The following PDZRN4 variants were observed in gnomAD, a reference collection of about 807,000 sequenced individuals.
PDZRN4 encodes the protein PDZ domain-containing RING finger protein 4.
In PDZRN4, 70 loss-of-function variants were observed where a neutral mutation model predicts 99.0. That is an observed-to-expected ratio of 0.71 (90% confidence interval 0.58 to 0.86). The LOEUF (loss-of-function observed/expected upper bound fraction) is 0.86. Ranked by LOEUF, PDZRN4 falls within the 40% of genes least tolerant of loss-of-function variation. The pLI is 0.00. For missense variants in PDZRN4, 1,474 were observed against 1,331.2 expected, an observed-to-expected ratio of 1.11 and a Z score of -1.67; for synonymous variants, 551 against 501.6, an observed-to-expected ratio of 1.10 and a Z score of -1.32.
chr12:41,402,248 C>T (rs56077805), intron 3 of PDZRN4, among the ~76,000 whole-genome samples: 11 of 344 alleles, frequency 0.032, 2 homozygotes, highest in African/African-American at 0.095. Context: ...TATATATATA[C>T]ACACACTGAG....
intron 3 of PDZRN4, among the ~76,000 whole-genome samples, chr12:41,501,643 G>A (rs1289130267): frequency 3.3e-5 from 5 of 152,160 alleles, no homozygotes; most frequent in Admixed American, 3.3e-4. Context: ...TCACTGAAAA[G>A]TGATTGCTTT....
chr12:41,469,708 G>T (rs1014077668), intron 3 of PDZRN4, among the ~76,000 whole-genome samples: 2 of 152,074 alleles, frequency 1.3e-5, no homozygotes, highest in East Asian at 1.9e-4. Context: ...GAGGGGGGCC[G>T]ATCACGAGGT....
rs542594514 is a variant in PDZRN4 at position 41,534,244 on chromosome 12, C to G, written c.1204-18412C>G. 6.6e-5 allele frequency among the ~76,000 whole-genome samples: 10 copies of G among 152,132 alleles called. 1 individual carries two copies. The South Asian group carries it at 2.1e-3, about 32-fold the overall frequency. ...CGTTCCTTTTTAAACCACAGACCTT[C>G]CATCTGAATTTATCTTCTGAATTTG... On this transcript the variant is annotated intron_variant, in intron 5 of 9. Transcript: ENST00000402685.
intron 3 of PDZRN4, among the ~76,000 whole-genome samples, chr12:41,301,963 T>C (rs10879994): frequency 0.52 from 79,233 of 151,924 alleles, 21,483 homozygotes; most frequent in Middle Eastern, 0.69. Context: ...AGATAAAGCA[T>C]TTTAAATATC....
In PDZRN4 at chr12:41,331,191, G is replaced by A. The variant is rs573285155; in HGVS notation, c.843+137003G>A. Among the ~76,000 whole-genome samples the A allele has an allele frequency of 2.6e-5, 4 of 152,188 alleles. No homozygotes were observed. In the East Asian group the frequency reaches 7.7e-4, roughly 29 times the overall value. On this transcript the variant is annotated intron_variant, in intron 3 of 9. Coordinates refer to ENST00000402685, the MANE Select transcript of PDZRN4 (RefSeq NM_001164595.2). ...AACTTGAATTTTATGACTATGAAAA[G>A]CTGAGAAGTAGCAGGTATATTTGGA...
In PDZRN4 at chr12:41,212,136, A is replaced by G. The variant is rs56153237; in HGVS notation, c.843+17948A>G. Among the ~76,000 whole-genome samples, 356 of 152,014 alleles carry G rather than the reference A, an allele frequency of 2.3e-3. 2 individuals carry two copies. Among genetic ancestry groups the G allele is most frequent in the African/African-American group, 8.4e-3 (348 of 41,502 alleles). On this transcript the variant is annotated intron_variant, in intron 3 of 9. Coordinates refer to ENST00000402685, the MANE Select transcript of PDZRN4 (RefSeq NM_001164595.2). ...GCCTTATACCAGTACATGTTCCAAA[A>G]TCTCTGTGGGCCCTAATTAGATTAT... is the stretch of plus-strand genomic sequence containing the variant.
At chr12:41,269,045 G>C in intron 3 of PDZRN4, among the ~76,000 whole-genome samples, 1 of 152,098 alleles carries the variant, frequency 6.6e-6, no homozygotes, top group East Asian at 1.9e-4. Flanking sequence ...AGCAAACAAG[G>C]ATATTTAGGT....
chr12:41,222,661 A>G (rs549003788), intron 3 of PDZRN4, among the ~76,000 whole-genome samples: 1 of 151,906 alleles, frequency 6.6e-6, no homozygotes, highest in Non-Finnish European at 1.5e-5. Flanking sequence ...TGGGATTACA[A>G]TTACAGGTGC....
intron 3 of PDZRN4, among the ~76,000 whole-genome samples, chr12:41,359,532 C>T (rs1951950554): frequency 6.6e-6 from 1 of 151,920 alleles, no homozygotes; most frequent in African/African-American, 2.4e-5. Context: ...AATTATAATT[C>T]CCAACTGTAA....
At chr12:41,434,560 A>T (rs922842006) in intron 3 of PDZRN4, among the ~76,000 whole-genome samples, 22 of 152,290 alleles carry the variant, frequency 1.4e-4, no homozygotes, top group Middle Eastern at 3.4e-3. Flanking sequence ...TACAGTTTAT[A>T]TGGAAAAAGC....
chr12:41,434,670 T>C (rs1374418791), intron 3 of PDZRN4, among the ~76,000 whole-genome samples: 1 of 152,208 alleles, frequency 6.6e-6, no homozygotes, highest in Non-Finnish European at 1.5e-5. Flanking sequence ...GCCAATAAAA[T>C]TGTGTGGAGT....
At chr12:41,264,250 T>G (rs370600772) in intron 3 of PDZRN4, among the ~76,000 whole-genome samples, 1 of 152,180 alleles carries the variant, frequency 6.6e-6, no homozygotes. Context: ...CAAGTGACTT[T>G]GGCTTTATGA....
intron 3 of PDZRN4, among the ~76,000 whole-genome samples, chr12:41,307,263 G>T (rs1951577255): frequency 6.6e-6 from 1 of 152,034 alleles, no homozygotes; most frequent in African/African-American, 2.4e-5. Flanking sequence ...GGAAGTCTGA[G>T]ATTAGGGTGA....
chr12:41,455,688 G>T (rs1952812049), intron 3 of PDZRN4, among the ~76,000 whole-genome samples: 1 of 152,144 alleles, frequency 6.6e-6, no homozygotes, highest in South Asian at 2.1e-4. Context: ...ATGAAATGCT[G>T]TTTCTTCAAA....
At chr12:41,271,812 A>G (rs958101602) in intron 3 of PDZRN4, among the ~76,000 whole-genome samples, 4 of 152,096 alleles carry the variant, frequency 2.6e-5, no homozygotes, top group African/African-American at 9.7e-5. Flanking sequence ...TCATTCTATT[A>G]CAATTGCATT....
intron 3 of PDZRN4, among the ~76,000 whole-genome samples, chr12:41,494,019 GT>G (rs1243908844): frequency 6.7e-6 from 1 of 150,358 alleles, no homozygotes; most frequent in Admixed American, 6.6e-5. Flanking sequence ...AGAGCATTTT[GT>G]CTAACCTATT....
intron 3 of PDZRN4, among the ~76,000 whole-genome samples, chr12:41,381,014 AT>A (rs1172315955): frequency 6.6e-6 from 1 of 151,940 alleles, no homozygotes; most frequent in Non-Finnish European, 1.5e-5. Context: ...TGACTGGAAG[AT>A]TTTTTTCTTT....
At chr12:41,494,785 C>G (rs1227000104) in intron 3 of PDZRN4, among the ~76,000 whole-genome samples, 2 of 152,122 alleles carry the variant, frequency 1.3e-5, no homozygotes, top group African/African-American at 2.4e-5. Flanking sequence ...GATTTCATGT[C>G]ATCGACTGAA....
intron 3 of PDZRN4, among the ~76,000 whole-genome samples, chr12:41,334,229 A>G (rs1951758337): frequency 6.6e-6 from 1 of 152,010 alleles, no homozygotes; most frequent in Non-Finnish European, 1.5e-5. Context: ...AGAATTTTTC[A>G]CAGACCTTCT....
Sources: allele counts gnomAD v4.1 joint callset (sites outside exome capture counted in the v4.1 genomes callset), GRCh38; gene constraint gnomAD v4.1.1; transcripts MANE v1.5; gene names NCBI Gene and HGNC (gene_info 2026-07-23, HGNC 2026-07-21).